The following CRPPA variants were observed in gnomAD, a reference collection of about 807,000 sequenced individuals.
CRPPA encodes the protein D-ribitol-5-phosphate cytidylyltransferase.
CRPPA carries 43 observed loss-of-function variants against 52.0 expected under a neutral mutation model. The ratio of observed to expected loss-of-function variants is 0.83; its 90% CI spans 0.65 to 1.07. CRPPA has a LOEUF of 1.07. Ranked by LOEUF, CRPPA falls within the 50% of genes least tolerant of loss-of-function variation. CRPPA has a pLI of 0.00. For missense variants in CRPPA, 629 were observed against 551.7 expected (o/e 1.14, Z -1.40); for synonymous variants, 250 against 203.5 (o/e 1.23, Z -1.94).
chr7:16,343,377 G>A (rs1785922994), intron 3 of CRPPA, among the ~76,000 whole-genome samples: 1 of 152,014 alleles, frequency 6.6e-6, no homozygotes, highest in African/African-American at 2.4e-5. Flanking sequence ...AGGGAGCCTT[G>A]AAAACTGGCA....
chr7:16,325,903 T>C (rs185352834), intron 3 of CRPPA, among the ~76,000 whole-genome samples: 2 of 152,234 alleles, frequency 1.3e-5, no homozygotes, highest in East Asian at 1.9e-4. Context: ...ATCTTGGTTA[T>C]ATGTAGTAAA....
intron 9 of CRPPA, among the ~76,000 whole-genome samples, chr7:16,171,926 T>C (rs887662089): frequency 6.6e-6 from 1 of 152,242 alleles, no homozygotes; most frequent in African/African-American, 2.4e-5. Flanking sequence ...TTGATAATTG[T>C]GATATAAATA....
intron 9 of CRPPA, among the ~76,000 whole-genome samples, chr7:16,210,940 T>G (rs1782118469): frequency 6.6e-6 from 1 of 151,470 alleles, no homozygotes; most frequent in Non-Finnish European, 1.5e-5. Context: ...TAGTTAACAA[T>G]CTACTGTACA....
intron 3 of CRPPA, among the ~76,000 whole-genome samples, chr7:16,312,494 T>A (rs1785055711): frequency 6.6e-6 from 1 of 152,028 alleles, no homozygotes; most frequent in African/African-American, 2.4e-5. Context: ...CTTAATTCCA[T>A]AACTTCTGTC....
In CRPPA at chr7:16,212,149, T is replaced by C. The variant is rs146404835; in HGVS notation, c.1251+3917A>G. On this transcript the variant is annotated intron_variant, in intron 9 of 9. Coordinates refer to ENST00000407010, the MANE Select transcript of CRPPA (RefSeq NM_001101426.4). Reference sequence around the variant, plus strand: ...GCAGTCGTAGGAACAAAAGAAAACGTAGAATTCAGGCTAAGGGAGAGGGTA... The same window carrying C: ...GCAGTCGTAGGAACAAAAGAAAACGCAGAATTCAGGCTAAGGGAGAGGGTA... 6.1e-3 allele frequency among the ~76,000 whole-genome samples: 933 copies of C among 152,258 alleles called. 6 individuals are homozygous for C. Among genetic ancestry groups the C allele is most frequent in the Middle Eastern group, 0.01 (3 of 294 alleles).
chr7:16,301,936 G>T (rs1289491960), intron 4 of CRPPA, among the ~76,000 whole-genome samples: 1 of 152,136 alleles, frequency 6.6e-6, no homozygotes, highest in Non-Finnish European at 1.5e-5. Flanking sequence ...TATGAACCTA[G>T]ATAAGATTCA....
At chr7:16,405,953 G>T in intron 2 of CRPPA, 108 bp downstream of exon 2, 2 of 997,102 alleles carry the variant, frequency 2.0e-6, no homozygotes, top group Non-Finnish European at 2.9e-6. Context: ...AGGTCATCAT[G>T]CACATTTTAA....
At chr7:16,213,330 T>C (rs557432435) in intron 9 of CRPPA, among the ~76,000 whole-genome samples, 1 of 152,362 alleles carries the variant, frequency 6.6e-6, no homozygotes, top group African/African-American at 2.4e-5. Context: ...TTTAAGATTA[T>C]ACTTTAAAGG....
chr7:16,308,647 A>G lies in CRPPA; in HGVS notation c.685-20T>C. 1 of 1,362,256 alleles carries G rather than the reference A, an allele frequency of 7.3e-7. No individual in the cohort carries two copies. The highest frequency in any genetic ancestry group is 1.0e-6 in the Non-Finnish European group (1 of 957,868). The allele number at this position is 1,362,256 out of a possible 1,614,324, so 84.4% of individuals were successfully genotyped here. On this transcript the variant is annotated intron_variant, in intron 3 of 9. Coordinates refer to ENST00000407010, the MANE Select transcript of CRPPA (RefSeq NM_001101426.4). ...ACTACACTGGTGTGGAAACAACAACAACAACAATTAAGCTAAAATGCGATT... is the reference window on the plus strand; with the variant it reads ...ACTACACTGGTGTGGAAACAACAACGACAACAATTAAGCTAAAATGCGATT...
intron 2 of CRPPA, among the ~76,000 whole-genome samples, chr7:16,389,657 T>C (rs1211433413): frequency 1.3e-5 from 2 of 151,848 alleles, no homozygotes; most frequent in Non-Finnish European, 2.9e-5. Flanking sequence ...TGCTTACTGG[T>C]AAAATACTGA....
intron 4 of CRPPA, among the ~76,000 whole-genome samples, chr7:16,306,201 T>C (rs371096785): frequency 6.6e-6 from 1 of 152,200 alleles, no homozygotes; most frequent in African/African-American, 2.4e-5. Context: ...AAAGACACTA[T>C]TTCCAAATAA....
At chr7:16,100,617 T>G (rs940238431) in intron 9 of CRPPA, among the ~76,000 whole-genome samples, 1 of 152,208 alleles carries the variant, frequency 6.6e-6, no homozygotes, top group African/African-American at 2.4e-5. Flanking sequence ...TTTGACTTCC[T>G]CTCTTCCTAT....
intron 6 of CRPPA, chr7:16,270,680 T>G (rs145620760): frequency 5.0e-4 from 76 of 152,270 alleles, no homozygotes; most frequent in African/African-American, 1.7e-3. Flanking sequence ...CTGTTCACAG[T>G]TAGAGGCGCA....
At position 16,145,809 on chromosome 7, in the gene CRPPA, C is replaced by T. The variant is rs149348186; in HGVS notation, c.1252-54010G>A. Reference sequence around the variant, plus strand: ...GAAAAGAAAAAGATTTTTTCTTTTCCAATTTGATTAATGAAACATCATCAA... The same window carrying T: ...GAAAAGAAAAAGATTTTTTCTTTTCTAATTTGATTAATGAAACATCATCAA... On this transcript the variant is annotated intron_variant, in intron 9 of 9. Transcript: ENST00000407010. Among the ~76,000 whole-genome samples, 796 of 151,894 alleles carry T rather than the reference C, an allele frequency of 5.2e-3. 8 individuals carry two copies. The highest frequency in any genetic ancestry group is 0.018 in the African/African-American group (757 of 41,454).
chr7:16,149,984 A>G (rs75366284), intron 9 of CRPPA, among the ~76,000 whole-genome samples: 1 of 147,054 alleles, frequency 6.8e-6, no homozygotes, highest in Non-Finnish European at 1.5e-5. Flanking sequence ...AGAGTCATTA[A>G]AAAAAAAAAA....
At chr7:16,265,356 C>G (rs1403031448) in intron 6 of CRPPA, among the ~76,000 whole-genome samples, 3 of 152,204 alleles carry the variant, frequency 2.0e-5, no homozygotes, top group Non-Finnish European at 2.9e-5. Context: ...GGATCCCTAT[C>G]TCTTATCACA....
chr7:16,214,215 G>A (rs916103294), intron 9 of CRPPA, among the ~76,000 whole-genome samples: 1 of 152,048 alleles, frequency 6.6e-6, no homozygotes, highest in Non-Finnish European at 1.5e-5. Context: ...AAAAATTATT[G>A]TTTATGTGAA....
intron 9 of CRPPA, among the ~76,000 whole-genome samples, chr7:16,142,670 T>G (rs985039936): frequency 6.6e-5 from 10 of 152,226 alleles, no homozygotes; most frequent in African/African-American, 1.9e-4. Flanking sequence ...CTATTGAAAA[T>G]GCAACACCTA....
At chr7:16,223,164 C>T (rs753339622) in intron 8 of CRPPA, among the ~76,000 whole-genome samples, 11 of 152,066 alleles carry the variant, frequency 7.2e-5, no homozygotes, top group East Asian at 3.9e-4. Flanking sequence ...TGGTGGCATG[C>T]GCCTGTAACT....
Sources: gnomAD v4.1 joint callset for allele counts (sites outside exome capture counted in the v4.1 genomes callset) on GRCh38, gnomAD v4.1.1 for gene constraint, MANE v1.5 for transcripts, NCBI Gene and HGNC (gene_info 2026-07-23, HGNC 2026-07-21) for gene names.